Variants in DSG4 observed in about 807,000 individuals in gnomAD.
DSG4 encodes the protein desmoglein-4.
DSG4 carries 87 observed loss-of-function variants against 93.1 expected under a neutral mutation model. That is an observed-to-expected ratio of 0.93 (90% CI 0.79 to 1.12). The LOEUF is 1.12. Among genes scored for constraint, DSG4 ranks in the 50% most tolerant of loss-of-function variants. The pLI, the probability that DSG4 is intolerant of heterozygous loss-of-function variation, is 0.00. For missense variants in DSG4, 1,373 were observed against 1,285.7 expected (o/e 1.07, Z -1.04); for synonymous variants, 432 against 452.9 (o/e 0.95, Z 0.59).
intron 8 of DSG4, among the ~76,000 whole-genome samples, chr18:31,395,419 A>G (rs1237614950): frequency 6.6e-6 from 1 of 152,214 alleles, no homozygotes; most frequent in Non-Finnish European, 1.5e-5. Flanking sequence ...TGTGCTTAAA[A>G]ATACCAAAGT....
At chr18:31,387,987 A>G (rs2072206348) in intron 3 of DSG4, among the ~76,000 whole-genome samples, 1 of 152,170 alleles carries the variant, frequency 6.6e-6, no homozygotes, top group Non-Finnish European at 1.5e-5. Flanking sequence ...CAGCTTAGGT[A>G]GGATACTTAT....
chr18:31,405,343 A>T (rs1428018051), intron 11 of DSG4, among the ~76,000 whole-genome samples: 1 of 152,244 alleles, frequency 6.6e-6, no homozygotes, highest in Non-Finnish European at 1.5e-5. Context: ...TAAGATACAT[A>T]TAAACAGTCT....
chr18:31,385,332 C>A (rs2072176108), intron 2 of DSG4, among the ~76,000 whole-genome samples, 161 bp downstream of exon 2: 1 of 152,180 alleles, frequency 6.6e-6, no homozygotes, highest in Admixed American at 6.5e-5. Context: ...AAAATCCATG[C>A]TCCCAAATCT....
At chr18:31,412,126 TC>T (rs1351051084) in intron 15 of DSG4, among the ~76,000 whole-genome samples, 1 of 152,230 alleles carries the variant, frequency 6.6e-6, no homozygotes, top group African/African-American at 2.4e-5. Context: ...TCAACCTGTG[TC>T]CATCAACTGA....
chr18:31,378,572 GTATT>G (rs2072101889), intron 1 of DSG4, among the ~76,000 whole-genome samples: 1 of 152,032 alleles, frequency 6.6e-6, no homozygotes, highest in African/African-American at 2.4e-5. Flanking sequence ...TTTTTTGGTA[GTATT>G]TATTTATTTT....
chr18:31,401,588 A>C (rs532884221), intron 10 of DSG4: 1 of 152,380 alleles, frequency 6.6e-6, no homozygotes, highest in East Asian at 1.9e-4. Context: ...CTTAACTTGT[A>C]AGCGAGCCAC....
Position 31,406,126 on chromosome 18 carries a change from T to C in DSG4, c.1686T>C (p.Tyr562=), listed in dbSNP as rs2072422612. Residue 562 remains tyrosine (Y), a synonymous_variant, in exon 12 of 16, where the codon TAT becomes TAC. Coordinates refer to ENST00000308128, the MANE Select transcript of DSG4 (RefSeq NM_177986.5). ...AGCAGGTTTTATCTCCAGGATTTTATGAAATCCCAATCCTGGTGAAGGACA... is the reference window on the plus strand; with the variant it reads ...AGCAGGTTTTATCTCCAGGATTTTACGAAATCCCAATCCTGGTGAAGGACA... The part of the protein sequence containing the change: ...TAKQVLSPGF[Y]EIPILVKDSY... 1 of 1,614,052 alleles carries C rather than the reference T, an allele frequency of 6.2e-7. No homozygotes were observed. The highest frequency in any genetic ancestry group is 1.3e-5 in the African/African-American group (1 of 74,930).
At chr18:31,393,818 T>C (rs2072275769) in intron 8 of DSG4, among the ~76,000 whole-genome samples, 1 of 152,188 alleles carries the variant, frequency 6.6e-6, no homozygotes, top group Admixed American at 6.6e-5. Context: ...AATTTTAGTA[T>C]TACTACTTTA....
intron 12 of DSG4, among the ~76,000 whole-genome samples, 182 bp downstream of exon 12, chr18:31,406,555 GA>G (rs2072429862): frequency 1.3e-5 from 2 of 152,150 alleles, no homozygotes; most frequent in Non-Finnish European, 2.9e-5. Flanking sequence ...TGATAACTAA[GA>G]AAGCCTAGGG....
chr18:31,392,409 A>G (rs2072260430), intron 8 of DSG4, 69 bp downstream of exon 8: 2 of 1,523,440 alleles, frequency 1.3e-6, no homozygotes, highest in African/African-American at 2.7e-5. Context: ...AAATGACCTT[A>G]GAGACAGAAT....
At chr18:31,393,124 T>C (rs1325426993) in intron 8 of DSG4, among the ~76,000 whole-genome samples, 3 of 152,154 alleles carry the variant, frequency 2.0e-5, no homozygotes, top group African/African-American at 7.2e-5. Context: ...TGAGGGAAAT[T>C]GTTATTTTTT....
chr18:31,385,631 T>C (rs372593768), intron 2 of DSG4, among the ~76,000 whole-genome samples: 2 of 152,196 alleles, frequency 1.3e-5, no homozygotes, highest in East Asian at 3.8e-4. Flanking sequence ...TGCTGTCCTC[T>C]ATCTCTGGCA....
In DSG4 at chr18:31,411,333, C is replaced by T. The variant is rs568226727; in HGVS notation, c.2240C>T (p.Ala747Val). 6.2e-7 allele frequency: 1 copy of T among 1,611,128 alleles called. No homozygotes were observed. The highest frequency in any genetic ancestry group is 2.2e-5 in the East Asian group (1 of 44,858). ...GMGTAVGLMAAGAAGASGAAR... is the reference protein window; with the variant it reads ...GMGTAVGLMAVGAAGASGAAR... The stretch of plus-strand genomic sequence containing the variant: ...GGGACAGCCGTTGGCCTCATGGCCG[C>T]AGGGGCCGCAGGAGCCTCAGGGGCC... Residue 747 changes from alanine (A) to valine (V), a missense_variant, in exon 15 of 16, where the codon GCA becomes GTA. By Grantham distance (64) the Ala-to-Val change is moderately conservative. Coordinates refer to ENST00000308128, the MANE Select transcript of DSG4 (RefSeq NM_177986.5).
At chr18:31,384,235 A>G (rs1381377259) in intron 1 of DSG4, among the ~76,000 whole-genome samples, 1 of 152,134 alleles carries the variant, frequency 6.6e-6, no homozygotes, top group Non-Finnish European at 1.5e-5. Flanking sequence ...TTTACTTTTC[A>G]TATTTAATTA....
intron 1 of DSG4, among the ~76,000 whole-genome samples, chr18:31,383,818 A>G (rs1424979201): frequency 6.6e-6 from 1 of 152,174 alleles, no homozygotes; most frequent in Non-Finnish European, 1.5e-5. Flanking sequence ...AATGGAAAAT[A>G]TTGACGTCAA....
At chr18:31,405,980 T>A (rs2072419899) in intron 11 of DSG4, 97 bp from the exon 12 acceptor site, 6 of 1,350,102 alleles carry the variant, frequency 4.4e-6, no homozygotes, top group Non-Finnish European at 5.2e-6. Context: ...AAAAATCTAG[T>A]GTTTTAAGTC....
intron 1 of DSG4, among the ~76,000 whole-genome samples, chr18:31,380,858 A>G (rs942240057): frequency 3.3e-5 from 5 of 152,208 alleles, no homozygotes; most frequent in African/African-American, 1.2e-4. Context: ...TATCTATTCC[A>G]GTATTGCAAG....
At chr18:31,386,455 A>T (rs1311677300) in intron 2 of DSG4, among the ~76,000 whole-genome samples, 1 of 152,174 alleles carries the variant, frequency 6.6e-6, no homozygotes, top group Non-Finnish European at 1.5e-5. Context: ...TAGCTAATTA[A>T]ATTTGTTTCA....
rs915570529 is a variant in DSG4, at chr18:31,399,692, T to C, written c.1277+149T>C. The stretch of plus-strand genomic sequence containing the variant: ...TAAAAGACTATTAGAGCATTTGAAA[T>C]CTTAGAATTTTAAGTGTTTTAGAGG... On this transcript the variant is annotated intron_variant, in intron 9 of 15. Coordinates refer to ENST00000308128, the MANE Select transcript of DSG4 (RefSeq NM_177986.5). 24 of 1,089,532 alleles carry C rather than the reference T, an allele frequency of 2.2e-5. No individual in the cohort carries two copies. In the African/African-American group the frequency reaches 3.3e-4, roughly 15 times the overall value. The allele number at this position is 1,089,532 out of a possible 1,614,324, so 67.5% of individuals were successfully genotyped here.
Sources: allele counts gnomAD v4.1 joint callset (sites outside exome capture counted in the v4.1 genomes callset), GRCh38; gene constraint gnomAD v4.1.1; transcripts MANE v1.5; gene names NCBI Gene and HGNC (gene_info 2026-07-23, HGNC 2026-07-21).